The following RNF145 variants were observed in gnomAD, a reference collection of about 807,000 sequenced individuals.
RNF145 encodes the protein ring finger protein 145.
A neutral mutation model predicts 57.3 loss-of-function variants in RNF145; 12 were observed. The ratio of observed to expected loss-of-function variants is 0.21; its 90% CI spans 0.13 to 0.34. The LOEUF is 0.34. RNF145 is among the 10% of genes least tolerant of loss of function. The pLI, the probability that RNF145 is intolerant of heterozygous loss-of-function variation, is 1.00. For synonymous variants in RNF145, 262 were observed against 288.3 expected (o/e 0.91, Z 0.92); for missense variants, 429 against 799.0 (o/e 0.54, Z 5.58).
rs766424444 is a variant in RNF145 at position 159,158,753 on chromosome 5, G to A, written c.1909C>T (p.Pro637Ser). The change falls in exon 11 of 11, where the codon CCA becomes TCA. Residue 637 changes from proline to serine, a missense_variant. By Grantham distance (74) the Pro-to-Ser change is moderately conservative. This residue lies in a region of RNF145 where 102 missense variants were observed against 106.2 expected (regional missense o/e 0.96). Transcript: ENST00000424310. Reference protein sequence around the residue: ...RDNNEYIARRPDNQEGAFDPK... With the variant: ...RDNNEYIARRSDNQEGAFDPK... ...TCAAAAGCCCCTTCCTGGTTATCTG[G>A]TCGTCTGGCAATGTACTCATTATTG... The A allele has an allele frequency of 6.2e-7, 1 of 1,613,918 alleles. No individual in the cohort carries two copies. The highest frequency in any genetic ancestry group is 1.1e-5 in the South Asian group (1 of 91,066).
intron 3 of RNF145, among the ~76,000 whole-genome samples, chr5:159,188,819 T>G (rs1350661940): frequency 6.6e-6 from 1 of 152,214 alleles, no homozygotes; most frequent in Non-Finnish European, 1.5e-5. Flanking sequence ...AGTTTCATTA[T>G]GTAAATACAC....
chr5:159,172,044 T>TA lies in RNF145; in HGVS notation c.797+1938dup, dbSNP rs1222228542. Among the ~76,000 whole-genome samples, 195 of 152,358 alleles carry TA rather than the reference T, an allele frequency of 1.3e-3. 1 individual carries two copies. Among genetic ancestry groups the TA allele is most frequent in the African/African-American group, 4.5e-3 (187 of 41,594 alleles). Reference sequence around the variant, plus strand: ...TCATGGCTTAGTAAATTGTTAAGCCTACTGCACTATGCTATACCTCATCTT... The same window carrying TA: ...TCATGGCTTAGTAAATTGTTAAGCCTAACTGCACTATGCTATACCTCATCTT... On this transcript the variant is annotated intron_variant, in intron 6 of 10. Transcript: ENST00000424310.
At chr5:159,164,444 T>C (rs1784328940) in intron 8 of RNF145, among the ~76,000 whole-genome samples, 1 of 152,180 alleles carries the variant, frequency 6.6e-6, no homozygotes, top group Non-Finnish European at 1.5e-5. Flanking sequence ...ATATGAAATA[T>C]GTACGTATTT....
chr5:159,171,817 ACT>A (rs1299081743), intron 6 of RNF145, among the ~76,000 whole-genome samples: 1 of 152,102 alleles, frequency 6.6e-6, no homozygotes, highest in African/African-American at 2.4e-5. Context: ...ACAGAGAATA[ACT>A]CTTACAGAGA....
intron 10 of RNF145, among the ~76,000 whole-genome samples, chr5:159,160,460 T>C (rs925793927): frequency 6.6e-6 from 1 of 152,094 alleles, no homozygotes; most frequent in Non-Finnish European, 1.5e-5. Context: ...GAATATCCCC[T>C]GTATATTGTT....
chr5:159,165,340 A>G (rs923188915), intron 8 of RNF145, among the ~76,000 whole-genome samples: 6 of 152,182 alleles, frequency 3.9e-5, no homozygotes, highest in African/African-American at 9.7e-5. Flanking sequence ...GGTTTTATCT[A>G]TATGTATTTC....
rs140516403 is a variant in RNF145, at chr5:159,158,304, C to A, written c.*366G>T. The A allele has an allele frequency of 1.1e-3, 243 of 229,674 alleles. 1 individual carries two copies. The highest frequency in any genetic ancestry group is 5.1e-3 in the African/African-American group (227 of 44,598). 14.2% of individuals were successfully genotyped at this position (229,674 alleles called of 1,614,324 possible). A position where few individuals can be genotyped will look rare whatever the true frequency, so the allele number is the denominator to read the frequency against. ...TTCTGCCTCCTTCTTTCCATGCTGT[C>A]CTCATGCTCTTTATCCTCACTTCCT... On this transcript the variant is annotated 3_prime_UTR_variant, in exon 11 of 11. Transcript: ENST00000424310.
intron 8 of RNF145, among the ~76,000 whole-genome samples, chr5:159,166,043 A>G (rs1393396203): frequency 1.3e-5 from 2 of 152,184 alleles, no homozygotes; most frequent in African/African-American, 4.8e-5. Context: ...TCTCATCAGT[A>G]CCATGGGATA....
intron 1 of RNF145, among the ~76,000 whole-genome samples, chr5:159,206,959 A>AC (rs1562080430): frequency 7.3e-6 from 1 of 136,634 alleles, no homozygotes; most frequent in Non-Finnish European, 1.7e-5. Flanking sequence ...CTAAAAACAA[A>AC]CCAAAAAAAA....
intron 6 of RNF145, among the ~76,000 whole-genome samples, chr5:159,170,949 A>AT (rs1379468837): frequency 2.0e-5 from 3 of 152,190 alleles, no homozygotes; most frequent in African/African-American, 7.2e-5. Flanking sequence ...ACTGATATAG[A>AT]TGAGGAATTC....
intron 2 of RNF145, among the ~76,000 whole-genome samples, chr5:159,198,495 C>A (rs1167917060): frequency 1.3e-5 from 2 of 152,050 alleles, no homozygotes; most frequent in South Asian, 4.1e-4. Flanking sequence ...CCATGAGATA[C>A]ATATTTAAAT....
At chr5:159,186,845 G>GT (rs1308147530) in intron 3 of RNF145, among the ~76,000 whole-genome samples, 2 of 152,154 alleles carry the variant, frequency 1.3e-5, no homozygotes, top group African/African-American at 4.8e-5. Context: ...AATATAAATG[G>GT]TAATACTCAT....
rs1280997812 is a variant in RNF145, at chr5:159,158,684, C to T, written c.1978G>A (p.Val660Ile). The T allele has an allele frequency of 9.9e-6, 16 of 1,613,788 alleles. No homozygotes were observed. The highest frequency in any genetic ancestry group is 1.4e-5 in the Non-Finnish European group (16 of 1,179,758). The change falls in exon 11 of 11, where the codon GTT (valine) becomes ATT (isoleucine). Residue 660 changes from valine to isoleucine, a missense_variant. Val to Ile is a conservative substitution (Grantham distance 29, BLOSUM62 3). This residue lies in a region of RNF145 where 102 missense variants were observed against 106.2 expected (regional missense o/e 0.96). Transcript: ENST00000424310. ...PHSAKDEAHP[V>I]ESA ...CTGCTTCTCCTCTAGGCTGATTCAA[C>T]AGGATGTGCTTCATCTTTCGCACTG...
intron 2 of RNF145, 86 bp downstream of exon 2, chr5:159,203,348 C>T (rs1262518257): frequency 2.2e-6 from 2 of 917,976 alleles, no homozygotes; most frequent in Non-Finnish European, 3.5e-6. Flanking sequence ...TGAAAATGAA[C>T]TTCATTTTAC....
chr5:159,193,050 C>T (rs1785339785), intron 3 of RNF145, among the ~76,000 whole-genome samples: 3 of 152,158 alleles, frequency 2.0e-5, no homozygotes, highest in Non-Finnish European at 2.9e-5. Flanking sequence ...GGATGAGAAA[C>T]GCATCATGTC....
chr5:159,170,448 C>T (rs928664641), intron 6 of RNF145, among the ~76,000 whole-genome samples: 1 of 152,058 alleles, frequency 6.6e-6, no homozygotes, highest in Non-Finnish European at 1.5e-5. Flanking sequence ...TGCTATGATA[C>T]TATTCATAAG....
At chr5:159,170,065 C>A (rs1429060203) in intron 6 of RNF145, among the ~76,000 whole-genome samples, 1 of 152,186 alleles carries the variant, frequency 6.6e-6, no homozygotes, top group Non-Finnish European at 1.5e-5. Flanking sequence ...GAAACAAGGT[C>A]TTCAAATACA....
intron 2 of RNF145, among the ~76,000 whole-genome samples, chr5:159,201,810 T>A (rs1785678393): frequency 6.6e-6 from 1 of 152,232 alleles, no homozygotes; most frequent in South Asian, 2.1e-4. Flanking sequence ...GAGTGAGAAC[T>A]CAGCGAATGA....
chr5:159,182,083 T>A, intron 3 of RNF145, 32 bp from the exon 4 acceptor site: 39 of 1,228,036 alleles, frequency 3.2e-5, no homozygotes, highest in Non-Finnish European at 4.6e-5. Flanking sequence ...AATGTATATA[T>A]TAGATACATT....
Sources: allele counts gnomAD v4.1 joint callset (sites outside exome capture counted in the v4.1 genomes callset), GRCh38; gene constraint gnomAD v4.1.1; regional missense constraint gnomAD v4.1.1; transcripts MANE v1.5; gene names NCBI Gene and HGNC (gene_info 2026-07-23, HGNC 2026-07-21).